The following NTRK2 variants were observed in gnomAD, a reference collection of about 807,000 sequenced individuals.
The protein encoded by NTRK2 is neurotrophic receptor tyrosine kinase 2, also known as BDNF/NT-3 growth factors receptor.
NTRK2 carries 13 observed loss-of-function variants against 94.5 expected under a neutral mutation model. The ratio of observed to expected loss-of-function variants is 0.14; its 90% CI spans 0.09 to 0.22. NTRK2 has a LOEUF of 0.22. Among genes scored for constraint, NTRK2 ranks in the 10% least tolerant of loss-of-function variants. The pLI, the probability that NTRK2 is intolerant of heterozygous loss-of-function variation, is 1.00. For synonymous variants in NTRK2, 372 were observed against 407.4 expected (o/e 0.91, Z 1.05); for missense variants, 639 against 1,071.2 (o/e 0.60, Z 5.63).
rs77838002 is a variant in NTRK2 at position 84,748,365 on chromosome 9, T to C, written c.1296+3292T>C. 4.3e-4 allele frequency among the ~76,000 whole-genome samples: 65 copies of C among 152,362 alleles called. No homozygotes were observed. In the East Asian group the frequency reaches 0.011, roughly 25 times the overall value. On this transcript the variant is annotated intron_variant, in intron 11 of 18. Coordinates refer to ENST00000277120, the MANE Select transcript of NTRK2 (RefSeq NM_006180.6). ...TGGCTTCAGTAGCTTTAAGTATTTG[T>C]TTACAGATCCTTAGCTGCTTTTCAG...
intron 14 of NTRK2, chr9:84,876,542 T>C (rs2076074601): frequency 1.9e-6 from 2 of 1,056,076 alleles, no homozygotes; most frequent in Admixed American, 1.1e-4. Flanking sequence ...GTTCTTACCT[T>C]CTATTAATAG....
At chr9:84,786,066 C>T (rs183196395) in intron 12 of NTRK2, among the ~76,000 whole-genome samples, 15 of 152,226 alleles carry the variant, frequency 9.9e-5, no homozygotes, top group African/African-American at 3.6e-4. Flanking sequence ...TGTATAAAAC[C>T]AAGGAAACCA....
chr9:84,826,464 G>A (rs991275639), intron 12 of NTRK2, among the ~76,000 whole-genome samples: 2 of 152,146 alleles, frequency 1.3e-5, no homozygotes, highest in African/African-American at 4.8e-5. Context: ...TTCCAAGTAA[G>A]ATCACTGTCA....
At chr9:84,893,324 T>C (rs1167706507) in intron 14 of NTRK2, among the ~76,000 whole-genome samples, 1 of 152,166 alleles carries the variant, frequency 6.6e-6, no homozygotes, top group Non-Finnish European at 1.5e-5. Flanking sequence ...TAATACATCT[T>C]AAAAATCTGA....
intron 12 of NTRK2, among the ~76,000 whole-genome samples, chr9:84,840,174 G>C (rs1375297564): frequency 6.6e-6 from 1 of 151,578 alleles, no homozygotes; most frequent in African/African-American, 2.4e-5. Flanking sequence ...CGTCAGTCAT[G>C]CTCTCATGTG....
chr9:84,938,442 G>A (rs1383134113), intron 15 of NTRK2, among the ~76,000 whole-genome samples: 1 of 151,894 alleles, frequency 6.6e-6, no homozygotes, highest in East Asian at 1.9e-4. Flanking sequence ...CTCTTGGGAA[G>A]GATGTGCCTT....
intron 17 of NTRK2, among the ~76,000 whole-genome samples, chr9:85,007,685 C>T (rs989601329): frequency 2.0e-5 from 3 of 152,188 alleles, no homozygotes; most frequent in African/African-American, 7.2e-5. Flanking sequence ...CTGCATACTT[C>T]AGGACTTCTA....
Position 85,007,347 on chromosome 9 carries a change from C to T in NTRK2, c.2173-12859C>T, listed in dbSNP as rs188084654. On this transcript the variant is annotated intron_variant, in intron 17 of 18. Coordinates refer to ENST00000277120, the MANE Select transcript of NTRK2 (RefSeq NM_006180.6). ...AGAGGGAAGATCAAAATGTAGGGGA[C>T]CCTGCAAGGAAAGGACAGAGAAGCA... Among the ~76,000 whole-genome samples, 24 of 152,228 alleles carry T rather than the reference C, an allele frequency of 1.6e-4. No individual in the cohort carries two copies. The East Asian group carries it at 3.3e-3, about 21-fold the overall frequency.
chr9:84,723,493 A>T, intron 6 of NTRK2, 80 bp from the exon 7 acceptor site: 2 of 1,496,622 alleles, frequency 1.3e-6, no homozygotes, highest in African/African-American at 1.4e-5. Context: ...AAGCATAAAC[A>T]GTTTTCAATT....
chr9:84,846,660 G>A (rs185906592), intron 12 of NTRK2, among the ~76,000 whole-genome samples: 1 of 152,246 alleles, frequency 6.6e-6, no homozygotes, highest in East Asian at 1.9e-4. Flanking sequence ...CATGTACCTG[G>A]GCTGATGAAT....
chr9:84,699,435 A>C (rs1020428032), intron 2 of NTRK2, among the ~76,000 whole-genome samples: 5 of 152,118 alleles, frequency 3.3e-5, no homozygotes. Flanking sequence ...CCACAGTAGA[A>C]GCGTATTCTC....
At chr9:84,831,612 C>T (rs1004061230) in intron 12 of NTRK2, among the ~76,000 whole-genome samples, 1 of 152,280 alleles carries the variant, frequency 6.6e-6, no homozygotes, top group Non-Finnish European at 1.5e-5. Flanking sequence ...TTATCCCCAT[C>T]CAGAGAAAGA....
At chr9:84,826,464 G>T (rs991275639) in intron 12 of NTRK2, among the ~76,000 whole-genome samples, 1 of 152,264 alleles carries the variant, frequency 6.6e-6, no homozygotes, top group South Asian at 2.1e-4. Flanking sequence ...TTCCAAGTAA[G>T]ATCACTGTCA....
upstream of NTRK2, among the ~76,000 whole-genome samples, chr9:84,668,979 A>C (rs2058531818): frequency 6.6e-6 from 1 of 152,064 alleles, no homozygotes; most frequent in African/African-American, 2.4e-5. Flanking sequence ...CCTTCCCCTC[A>C]CATGTCTCTA....
intron 14 of NTRK2, among the ~76,000 whole-genome samples, chr9:84,933,459 AG>A (rs2078109497): frequency 6.6e-6 from 1 of 152,200 alleles, no homozygotes; most frequent in South Asian, 2.1e-4. Flanking sequence ...GACTGTAGGG[AG>A]GAACATTCTC....
chr9:84,785,075 G>C (rs935740441), intron 12 of NTRK2, among the ~76,000 whole-genome samples: 1 of 152,144 alleles, frequency 6.6e-6, no homozygotes, highest in African/African-American at 2.4e-5. Flanking sequence ...TTTAATTCAA[G>C]TTCATGCATT....
At chr9:84,816,424 G>A (rs1245897810) in intron 12 of NTRK2, among the ~76,000 whole-genome samples, 1 of 152,012 alleles carries the variant, frequency 6.6e-6, no homozygotes, top group African/African-American at 2.4e-5. Flanking sequence ...CTTAGGGATT[G>A]GAAAAACTAA....
At chr9:84,671,434 A>G (rs1383237841) in intron 2 of NTRK2, among the ~76,000 whole-genome samples, 1 of 152,100 alleles carries the variant, frequency 6.6e-6, no homozygotes, top group Non-Finnish European at 1.5e-5. Context: ...ATCTTTTTTG[A>G]GATTTAAGTT....
At chr9:84,808,191 G>C (rs1822421) in intron 12 of NTRK2, among the ~76,000 whole-genome samples, 9,193 of 152,240 alleles carry the variant, frequency 0.06, 910 homozygotes, top group African/African-American at 0.21. Flanking sequence ...TGGTCCAGTA[G>C]AACCGTCATC....
Sources: gnomAD v4.1 joint callset for allele counts (sites outside exome capture counted in the v4.1 genomes callset) on GRCh38, gnomAD v4.1.1 for gene constraint, MANE v1.5 for transcripts, NCBI Gene and HGNC (gene_info 2026-07-23, HGNC 2026-07-21) for gene names.